UNC79: variants seen among roughly 807,000 people sequenced by gnomAD.
The protein encoded by UNC79 is unc-79 subunit of NALCN channel complex, also known as protein unc-79 homolog.
A neutral mutation model predicts 283.1 loss-of-function variants in UNC79; 37 were observed. The observed-to-expected ratio is 0.13, with a 90% CI of 0.10 to 0.17. The LOEUF is 0.17. Among genes scored for constraint, UNC79 ranks in the 10% least tolerant of loss-of-function variants. The probability of loss-of-function intolerance (pLI) is 1.00; values close to 1 mark genes in which losing one functional copy is unlikely to be tolerated. For missense variants in UNC79, 2,272 were observed against 3,211.1 expected (o/e 0.71, Z 7.07); for synonymous variants, 1,107 against 1,200.2 (o/e 0.92, Z 1.61).
In UNC79 at chr14:93,505,250, G is replaced by A. The variant is rs988966897; in HGVS notation, c.898+7964G>A. 5.3e-5 allele frequency among the ~76,000 whole-genome samples: 8 copies of A among 152,138 alleles called. No homozygotes were observed. The East Asian group carries it at 7.7e-4, about 15-fold the overall frequency. On this transcript the variant is annotated intron_variant, in intron 7 of 48. Coordinates refer to ENST00000555664, the Ensembl canonical transcript of UNC79. The stretch of plus-strand genomic sequence containing the variant: ...TTTCTTCTATCTGTTACCAAGAGCA[G>A]GGTGTTAAAAATCTCTTACTATGAC...
chr14:93,493,293 T>A (rs905469290), intron 5 of UNC79, among the ~76,000 whole-genome samples: 6 of 152,120 alleles, frequency 3.9e-5, no homozygotes, highest in African/African-American at 1.4e-4. Flanking sequence ...GAGGGCTCCC[T>A]GGTGTGACAC....
At chr14:93,651,263 C>G (rs1283807787) in intron 35 of UNC79, among the ~76,000 whole-genome samples, 1 of 152,162 alleles carries the variant, frequency 6.6e-6, no homozygotes, top group Non-Finnish European at 1.5e-5. Context: ...TGGTTTGGAT[C>G]TCTACATTCT....
At chr14:93,532,741 ATCCAAATGGTCTCTATTT>A (rs1194871931) in intron 11 of UNC79, among the ~76,000 whole-genome samples, 163 bp downstream of exon 11, 2 of 152,192 alleles carry the variant, frequency 1.3e-5, no homozygotes, top group Admixed American at 1.3e-4. Context: ...AGATTGCTAC[ATCCAAATGGTCTCTATTT>A]CCATTTCTGC....
intron 1 of UNC79, among the ~76,000 whole-genome samples, chr14:93,339,072 C>T (rs74548543): frequency 0.074 from 11,184 of 152,130 alleles, 869 homozygotes; most frequent in African/African-American, 0.19. Flanking sequence ...AAGTGATGTA[C>T]AGAAAATGGA....
intron 22 of UNC79, among the ~76,000 whole-genome samples, chr14:93,591,804 G>A (rs2141923134): frequency 6.6e-6 from 1 of 152,328 alleles, no homozygotes; most frequent in Non-Finnish European, 1.5e-5. Context: ...CAATGAAAAA[G>A]ACGCGAGAAC....
At chr14:93,384,509 A>T (rs1282680332) in intron 1 of UNC79, among the ~76,000 whole-genome samples, 6 of 152,194 alleles carry the variant, frequency 3.9e-5, no homozygotes. Flanking sequence ...CTTTGGAGAA[A>T]TGTCTATTCA....
At chr14:93,701,322 T>C (rs1426438633) in intron 47 of UNC79, among the ~76,000 whole-genome samples, 1 of 152,230 alleles carries the variant, frequency 6.6e-6, no homozygotes, top group Non-Finnish European at 1.5e-5. Flanking sequence ...ATCTGGTCTT[T>C]GTTACTCCAT....
At chr14:93,437,970 G>T (rs917698664) in intron 1 of UNC79, among the ~76,000 whole-genome samples, 1 of 152,014 alleles carries the variant, frequency 6.6e-6, no homozygotes, top group Non-Finnish European at 1.5e-5. Context: ...TATCTTTTGG[G>T]GGATACAATT....
At chr14:93,637,216 A>G (rs202056641) in exon 32 of UNC79, 9 of 1,169,406 alleles carry the variant, frequency 7.7e-6, no homozygotes, top group Non-Finnish European at 1.2e-5. Flanking sequence ...TTATCCACAG[A>G]ACAGATACAG....
At chr14:93,592,404 G>A (rs1282939840) in intron 22 of UNC79, among the ~76,000 whole-genome samples, 1 of 151,962 alleles carries the variant, frequency 6.6e-6, no homozygotes, top group Non-Finnish European at 1.5e-5. Flanking sequence ...TCGATCTCCT[G>A]ACCTTGTGAT....
chr14:93,373,311 G>T (rs1258794704), intron 1 of UNC79, among the ~76,000 whole-genome samples: 1 of 151,886 alleles, frequency 6.6e-6, no homozygotes, highest in Non-Finnish European at 1.5e-5. Flanking sequence ...AGAAGTCAAT[G>T]AAATTGAAAC....
Position 93,497,292 on chromosome 14 carries a change from A to T in UNC79, c.898+6A>T. The stretch of plus-strand genomic sequence containing the variant: ...CAGGGGGTTGCAGTACACAGGTAAG[A>T]GGAGAGGAGCCCTGTGATGCCCCAT... On this transcript the variant is annotated splice_donor_region_variant and intron_variant, in intron 7 of 48. Transcript: ENST00000555664. 1 of 1,610,454 alleles carries T rather than the reference A, an allele frequency of 6.2e-7. No homozygotes were observed.
chr14:93,496,927 G>A (rs941059766), intron 6 of UNC79, among the ~76,000 whole-genome samples: 2 of 152,114 alleles, frequency 1.3e-5, no homozygotes, highest in Non-Finnish European at 2.9e-5. Context: ...AAAGTACTTT[G>A]TACTCTACCT....
chr14:93,529,195 C>A, intron 9 of UNC79, 91 bp from the exon 10 acceptor site: 1 of 1,312,808 alleles, frequency 7.6e-7, no homozygotes, highest in Non-Finnish European at 1.1e-6. Context: ...CTATTAAAAG[C>A]CTTTCAGCAC....
At chr14:93,597,998 T>C (rs7153881) in intron 24 of UNC79, among the ~76,000 whole-genome samples, 9,000 of 152,268 alleles carry the variant, frequency 0.059, 514 homozygotes, top group African/African-American at 0.15. Flanking sequence ...TTGTTGTTAT[T>C]TGTTGATGCC....
Position 93,474,559 on chromosome 14 carries a change from A to G in UNC79, c.448+166A>G, listed in dbSNP as rs1168301036. On this transcript the variant is annotated intron_variant, in intron 3 of 48. Transcript: ENST00000555664. This position sits in a 1 kb window ranked among gnomAD's most constrained non-coding sequence, Gnocchi z 4.1. ...ACTTCATTATGGTGCTTCCCATACT[A>G]TTATTTTACACTGTTTTATTGCCAG... 2.0e-5 allele frequency among the ~76,000 whole-genome samples: 3 copies of G among 152,296 alleles called. No homozygotes were observed. The East Asian group carries it at 5.8e-4, about 29-fold the overall frequency.
intron 48 of UNC79, among the ~76,000 whole-genome samples, chr14:93,705,318 A>G (rs1423222311): frequency 7.1e-6 from 1 of 140,830 alleles, no homozygotes; most frequent in Admixed American, 7.7e-5. Flanking sequence ...AAGATTGTGT[A>G]TATATAGACA....
At chr14:93,360,029 G>A (rs2054187580) in intron 1 of UNC79, among the ~76,000 whole-genome samples, 1 of 152,218 alleles carries the variant, frequency 6.6e-6, no homozygotes, top group Non-Finnish European at 1.5e-5. Flanking sequence ...TCCAGTTAAA[G>A]TAGGGACTTA....
At chr14:93,529,564 T>A (rs1400434400) in intron 10 of UNC79, among the ~76,000 whole-genome samples, 1 of 152,208 alleles carries the variant, frequency 6.6e-6, no homozygotes, top group Non-Finnish European at 1.5e-5. Flanking sequence ...GGAATTAGGA[T>A]TCCATACGAC....
Sources: allele counts gnomAD v4.1 joint callset (sites outside exome capture counted in the v4.1 genomes callset), GRCh38; gene constraint gnomAD v4.1.1; non-coding constraint Gnocchi (gnomAD v3.1); transcripts MANE v1.5; gene names NCBI Gene and HGNC (gene_info 2026-07-23, HGNC 2026-07-21).